TMTC2: variants seen among roughly 807,000 people sequenced by gnomAD.
TMTC2 encodes transmembrane O-mannosyltransferase targeting cadherins 2.
A neutral mutation model predicts 82.4 loss-of-function variants in TMTC2; 43 were observed. The ratio of observed to expected loss-of-function variants is 0.52; its 90% CI spans 0.41 to 0.67. The LOEUF is 0.67. Among genes scored for constraint, TMTC2 ranks in the 30% least tolerant of loss-of-function variants. The probability of loss-of-function intolerance (pLI) is 0.00; values close to 1 mark genes in which losing one functional copy is unlikely to be tolerated. For synonymous variants in TMTC2, 408 were observed against 381.9 expected, an observed-to-expected ratio of 1.07 and a Z score of -0.80; for missense variants, 919 against 1,012.4, an observed-to-expected ratio of 0.91 and a Z score of 1.25.
intron 3 of TMTC2, among the ~76,000 whole-genome samples, chr12:82,927,451 G>A (rs1285340570): frequency 1.3e-5 from 2 of 152,154 alleles, no homozygotes; most frequent in African/African-American, 4.8e-5. Context: ...TTCTTGAGGT[G>A]CAGTCTACTC....
At chr12:82,793,948 G>A (rs1173039973) in intron 1 of TMTC2, among the ~76,000 whole-genome samples, 1 of 152,128 alleles carries the variant, frequency 6.6e-6, no homozygotes, top group East Asian at 1.9e-4. Flanking sequence ...CAACTTTTAT[G>A]CTTTCTTGAT....
At chr12:83,009,390 C>A (rs532612315) in intron 8 of TMTC2, among the ~76,000 whole-genome samples, 1 of 152,224 alleles carries the variant, frequency 6.6e-6, no homozygotes, top group South Asian at 2.1e-4. Context: ...CAGCCTCCAG[C>A]AAGTTGTCAA....
At chr12:83,023,256 A>G (rs894641844) in intron 8 of TMTC2, among the ~76,000 whole-genome samples, 2 of 152,158 alleles carry the variant, frequency 1.3e-5, no homozygotes, top group Admixed American at 6.5e-5. Flanking sequence ...ATCAATTTGC[A>G]TTTTAGGTAA....
chr12:83,084,891 G>A (rs1219410944), intron 11 of TMTC2, among the ~76,000 whole-genome samples: 1 of 152,180 alleles, frequency 6.6e-6, no homozygotes, highest in Non-Finnish European at 1.5e-5. Flanking sequence ...GACTATGGTG[G>A]AGGAATAATT....
chr12:82,972,778 A>T (rs1878506697), intron 7 of TMTC2, among the ~76,000 whole-genome samples: 1 of 152,146 alleles, frequency 6.6e-6, no homozygotes, highest in Non-Finnish European at 1.5e-5. Context: ...TCTGTACATT[A>T]TGTTGTGAGT....
chr12:83,093,893 G>T (rs111517564), intron 11 of TMTC2, among the ~76,000 whole-genome samples: 2,278 of 152,276 alleles, frequency 0.015, 60 homozygotes, highest in African/African-American at 0.052. Flanking sequence ...TGAACCTAGT[G>T]ACAGGGAAAG....
chr12:82,962,669 A>T (rs1298015178), intron 4 of TMTC2, among the ~76,000 whole-genome samples: 1 of 151,996 alleles, frequency 6.6e-6, no homozygotes, highest in African/African-American at 2.4e-5. Flanking sequence ...GTGAGCCTCT[A>T]CCTTGATGTG....
chr12:82,838,816 T>A (rs1156740744), intron 1 of TMTC2, among the ~76,000 whole-genome samples: 2 of 149,906 alleles, frequency 1.3e-5, no homozygotes, highest in African/African-American at 5.0e-5. Flanking sequence ...AGTAGGACGA[T>A]GGCTTTATGG....
intron 1 of TMTC2, among the ~76,000 whole-genome samples, chr12:82,806,764 T>G (rs1262094123): frequency 6.6e-6 from 1 of 152,110 alleles, no homozygotes; most frequent in East Asian, 1.9e-4. Flanking sequence ...AAAGTCTCCA[T>G]CCTCGTTGTC....
intron 2 of TMTC2, among the ~76,000 whole-genome samples, chr12:82,888,293 G>A (rs1873206109): frequency 6.6e-6 from 1 of 152,120 alleles, no homozygotes; most frequent in African/African-American, 2.4e-5. Flanking sequence ...TTAGGAAAAT[G>A]TTCCTCCAGA....
intron 8 of TMTC2, among the ~76,000 whole-genome samples, chr12:83,027,994 T>A (rs1261932530): frequency 6.6e-6 from 1 of 152,214 alleles, no homozygotes. Context: ...GACATTTGTA[T>A]AGACAGTGCT....
At position 82,874,791 on chromosome 12, in the gene TMTC2, A is replaced by T. The variant is rs560052652; in HGVS notation, c.654+17211A>T. Among the ~76,000 whole-genome samples, 14 of 152,262 alleles carry T rather than the reference A, an allele frequency of 9.2e-5. 1 individual carries two copies. The South Asian group carries it at 2.9e-3, about 32-fold the overall frequency. On this transcript the variant is annotated intron_variant, in intron 2 of 11. Transcript: ENST00000321196. ...TAAAATAGGGAATTATGCCATTTTT[A>T]CATTACCTGTATAATCATTTTATGC...
intron 2 of TMTC2, among the ~76,000 whole-genome samples, chr12:82,879,618 T>C (rs926349734): frequency 4.6e-5 from 7 of 152,190 alleles, no homozygotes; most frequent in African/African-American, 1.7e-4. Flanking sequence ...GAACCCTGGA[T>C]TTATAATCAA....
chr12:83,095,694 C>A (rs577364219), intron 11 of TMTC2, among the ~76,000 whole-genome samples: 1 of 152,154 alleles, frequency 6.6e-6, no homozygotes, highest in South Asian at 2.1e-4. Context: ...CTAATGATAA[C>A]ATGTTTCTGA....
chr12:82,715,433 T>C (rs1460939282), intron 1 of TMTC2, among the ~76,000 whole-genome samples: 6 of 152,080 alleles, frequency 3.9e-5, no homozygotes, highest in Non-Finnish European at 8.8e-5. Flanking sequence ...TTTAGGGGGA[T>C]AGGAAATGAT....
intron 7 of TMTC2, among the ~76,000 whole-genome samples, chr12:82,980,222 G>A (rs955829496): frequency 1.3e-5 from 2 of 151,614 alleles, no homozygotes; most frequent in African/African-American, 4.8e-5. Context: ...TGCCAAATTA[G>A]TTCCTAAGGA....
chr12:82,986,204 A>T, intron 8 of TMTC2, 158 bp downstream of exon 8: 1 of 960,760 alleles, frequency 1.0e-6, no homozygotes, highest in Non-Finnish European at 1.5e-6. Flanking sequence ...ATATAGAAAA[A>T]TGTGTTACTT....
chr12:82,702,748 G>A (rs551944752), intron 1 of TMTC2, among the ~76,000 whole-genome samples: 18 of 152,258 alleles, frequency 1.2e-4, no homozygotes, highest in South Asian at 2.1e-4. Context: ...GCAACATAGC[G>A]AGATTCCATC....
chr12:83,060,672 C>G (rs1882708600), intron 10 of TMTC2, among the ~76,000 whole-genome samples: 1 of 151,682 alleles, frequency 6.6e-6, no homozygotes, highest in African/African-American at 2.4e-5. Context: ...TCACCAGATT[C>G]CAGCTCAACC....
Sources: gnomAD v4.1 joint callset for allele counts (sites outside exome capture counted in the v4.1 genomes callset) on GRCh38, gnomAD v4.1.1 for gene constraint, MANE v1.5 for transcripts, NCBI Gene and HGNC (gene_info 2026-07-23, HGNC 2026-07-21) for gene names.